Variants in C13orf46 observed in about 807,000 individuals in gnomAD.
C13orf46 encodes uncharacterized protein C13orf46.
chr13:113,959,085 T>C, intron 6 of C13orf46, among the ~76,000 whole-genome samples: 1 of 152,134 alleles, frequency 6.6e-6, no homozygotes, highest in South Asian at 2.1e-4. Context: ...AAGACCAGCC[T>C]GACCAACATA....
At chr13:113,945,672 G>GAAAGAAAAA in the C13orf46 span, among the ~76,000 whole-genome samples, 1 of 131,306 alleles carries the variant, frequency 7.6e-6, no homozygotes, top group African/African-American at 2.8e-5. Context: ...AAGAAAGAAA[G>GAAAGAAAAA]GAAAGAAAAA....
the C13orf46 span, among the ~76,000 whole-genome samples, chr13:113,936,801 G>T: frequency 2.0e-5 from 3 of 151,914 alleles, no homozygotes; most frequent in Admixed American, 1.3e-4. Context: ...GAGGCTGACC[G>T]GTCCAGGGGG....
At chr13:113,941,546 G>C in the C13orf46 span, among the ~76,000 whole-genome samples, 1 of 152,064 alleles carries the variant, frequency 6.6e-6, no homozygotes. Context: ...CTGGGCATTC[G>C]ATACCCTGGT....
At chr13:113,964,283 A>C (rs1214427227) in intron 6 of C13orf46, among the ~76,000 whole-genome samples, 1 of 152,226 alleles carries the variant, frequency 6.6e-6, no homozygotes, top group Admixed American at 6.5e-5. Flanking sequence ...TGTGTTGCTT[A>C]AAATAAAACA....
downstream of C13orf46, among the ~76,000 whole-genome samples, chr13:113,952,353 G>A (rs1277515053): frequency 2.0e-5 from 3 of 147,350 alleles, no homozygotes; most frequent in African/African-American, 5.1e-5. Flanking sequence ...CGCCGCTCCC[G>A]CCTGCCCAGG....
chr13:113,927,772 C>T, the C13orf46 span: 2 of 396,128 alleles, frequency 5.0e-6, no homozygotes, highest in Non-Finnish European at 8.9e-6. Context: ...GACAGACTCC[C>T]ACTCGGAGGA....
At chr13:113,934,849 C>T in the C13orf46 span, among the ~76,000 whole-genome samples, 1 of 152,238 alleles carries the variant, frequency 6.6e-6, no homozygotes, top group African/African-American at 2.4e-5. Context: ...CAGTTATGGT[C>T]TCCAGAATCC....
the C13orf46 span, among the ~76,000 whole-genome samples, chr13:113,936,132 A>C: frequency 6.6e-6 from 1 of 152,354 alleles, no homozygotes; most frequent in African/African-American, 2.4e-5. Flanking sequence ...GGAGAAACTC[A>C]GGAGTCAATT....
chr13:113,945,575 A>AGAGAG, the C13orf46 span, among the ~76,000 whole-genome samples: 110 of 89,068 alleles, frequency 1.2e-3, 2 homozygotes, highest in African/African-American at 3.9e-3. Flanking sequence ...GAAAGAAAGA[A>AGAGAG]AGAGAGAGAG....
At chr13:113,971,747 C>T (rs575790241) in intron 1 of C13orf46, among the ~76,000 whole-genome samples, 2 of 152,320 alleles carry the variant, frequency 1.3e-5, no homozygotes, top group South Asian at 4.1e-4. Context: ...TGTCATGGAG[C>T]CCACCAAGTC....
Position 113,972,664 on chromosome 13 carries a change from CA to C in C13orf46, c.190+1143del, listed in dbSNP as rs139122442. 4.5e-3 allele frequency among the ~76,000 whole-genome samples: 685 copies of C among 152,318 alleles called. 15 individuals are homozygous for C. The East Asian group carries it at 0.065, about 14-fold the overall frequency. ...TCAGAGTGGCGAGTGTGGACCGACA[CA>C]GGGGCAGCCTACACGTTTCGCGGTT... On this transcript the variant is annotated intron_variant, in intron 1 of 6. Transcript: ENST00000636427.
At chr13:113,935,100 T>G in the C13orf46 span, among the ~76,000 whole-genome samples, 2 of 152,248 alleles carry the variant, frequency 1.3e-5, no homozygotes, top group Non-Finnish European at 2.9e-5. Context: ...TACAAGCCAC[T>G]TCAGACCCTT....
At chr13:113,963,394 T>C (rs2052605785) in intron 6 of C13orf46, among the ~76,000 whole-genome samples, 2 of 116,070 alleles carry the variant, frequency 1.7e-5, no homozygotes, top group South Asian at 6.4e-4. Context: ...GCCTCGCCCC[T>C]GTCCTCAGCC....
intron 6 of C13orf46, among the ~76,000 whole-genome samples, chr13:113,957,831 C>T (rs1274557567): frequency 1.8e-4 from 26 of 145,860 alleles, no homozygotes; most frequent in African/African-American, 5.1e-4. Flanking sequence ...GTCTCCCCTG[C>T]ACTCTGTATT....
At chr13:113,938,799 A>G in the C13orf46 span, among the ~76,000 whole-genome samples, 1 of 152,056 alleles carries the variant, frequency 6.6e-6, no homozygotes, top group African/African-American at 2.4e-5. Flanking sequence ...TCCTGTCTCC[A>G]GGTTTTGCTC....
chr13:113,930,823 G>A, the C13orf46 span, among the ~76,000 whole-genome samples: 2 of 152,178 alleles, frequency 1.3e-5, no homozygotes, highest in Non-Finnish European at 2.9e-5. Context: ...GGTCCTCCAG[G>A]GGCCCTCCCA....
At chr13:113,969,447 C>A (rs1026082330) in intron 2 of C13orf46, among the ~76,000 whole-genome samples, 1 of 152,218 alleles carries the variant, frequency 6.6e-6, no homozygotes, top group Non-Finnish European at 1.5e-5. Context: ...AGGCGCCGCA[C>A]ACATCCTGTC....
At chr13:113,960,403 C>T (rs2052577969) in intron 6 of C13orf46, among the ~76,000 whole-genome samples, 1 of 152,192 alleles carries the variant, frequency 6.6e-6, no homozygotes, top group African/African-American at 2.4e-5. Context: ...GAAATCATTT[C>T]TTTTGAAACT....
the C13orf46 span, among the ~76,000 whole-genome samples, chr13:113,937,876 A>G: frequency 4.2e-4 from 64 of 152,306 alleles, no homozygotes; most frequent in Admixed American, 2.9e-3. Flanking sequence ...AGAGGAAGTG[A>G]TCAGCTGTGT....
Sources: allele counts gnomAD v4.1 joint callset (sites outside exome capture counted in the v4.1 genomes callset), GRCh38; gene constraint gnomAD v4.1.1; transcripts MANE v1.5; gene names NCBI Gene and HGNC (gene_info 2026-07-23, HGNC 2026-07-21).